The following TENM3 variants were observed in gnomAD, a reference collection of about 807,000 sequenced individuals.
TENM3 encodes the protein teneurin transmembrane protein 3.
Under a neutral mutation model 255.1 loss-of-function variants are expected in TENM3, and 63 were observed. That is an observed-to-expected ratio of 0.25 (90% confidence interval 0.20 to 0.30). The LOEUF (loss-of-function observed/expected upper bound fraction) is 0.30, where lower values mean the gene tolerates loss of function less well. Ranked by LOEUF, TENM3 falls within the 10% of genes least tolerant of loss-of-function variation. The pLI is 1.00. For missense variants in TENM3, 2,929 were observed against 3,461.1 expected (o/e 0.85, Z 3.86); for synonymous variants, 1,306 against 1,322.3 (o/e 0.99, Z 0.27).
the TENM3 span, among the ~76,000 whole-genome samples, chr4:182,044,688 A>AT: frequency 2.0e-5 from 3 of 152,176 alleles, 1 homozygote; most frequent in South Asian, 4.1e-4. Context: ...CAAGGCTATC[A>AT]TTTTTTTGTC....
chr4:182,619,793 T>C (rs930529467), intron 4 of TENM3, among the ~76,000 whole-genome samples: 9 of 152,178 alleles, frequency 5.9e-5, no homozygotes, highest in African/African-American at 2.2e-4. Context: ...AGTGTGTCTC[T>C]CTAGCTCATC....
the TENM3 span, among the ~76,000 whole-genome samples, chr4:181,752,843 A>T: frequency 6.6e-6 from 1 of 152,070 alleles, no homozygotes; most frequent in Non-Finnish European, 1.5e-5. Context: ...AAAATAAAGG[A>T]GTACTGAAAA....
intron 27 of TENM3, among the ~76,000 whole-genome samples, chr4:182,797,984 A>G (rs1766620795): frequency 6.6e-6 from 1 of 152,196 alleles, no homozygotes; most frequent in African/African-American, 2.4e-5. Context: ...ATTTTGGTCA[A>G]TGACAGACCT....
rs535534948 is a variant in TENM3, at chr4:182,417,876, A to G, written c.511+70947A>G. ...ATGTAGATGATTGATAACATGTTTC[A>G]TGATTTACCTAAATGTTTGATATCT... On this transcript the variant is annotated intron_variant, in intron 3 of 27. Transcript: ENST00000511685. Among the ~76,000 whole-genome samples the G allele has an allele frequency of 5.3e-5, 8 of 152,306 alleles. No homozygotes were observed. In the East Asian group the frequency reaches 1.5e-3, roughly 29 times the overall value.
At chr4:182,096,734 C>G in the TENM3 span, among the ~76,000 whole-genome samples, 1 of 152,144 alleles carries the variant, frequency 6.6e-6, no homozygotes, top group African/African-American at 2.4e-5. Flanking sequence ...CTGATCCAGT[C>G]TCTGGATTCA....
the TENM3 span, among the ~76,000 whole-genome samples, chr4:181,893,719 T>G: frequency 6.6e-6 from 1 of 152,186 alleles, no homozygotes; most frequent in South Asian, 2.1e-4. Flanking sequence ...TGTTTCTACA[T>G]TTGATTTGTA....
At chr4:182,606,385 G>A (rs1232777205) in intron 4 of TENM3, among the ~76,000 whole-genome samples, 2 of 152,028 alleles carry the variant, frequency 1.3e-5, no homozygotes, top group South Asian at 2.1e-4. Flanking sequence ...TTAGCCAGGC[G>A]GGGTGGTGGG....
At chr4:182,370,916 A>C (rs372377567) in intron 3 of TENM3, among the ~76,000 whole-genome samples, 1 of 152,266 alleles carries the variant, frequency 6.6e-6, no homozygotes, top group East Asian at 1.9e-4. Context: ...TCGAGAGACA[A>C]ACTCAACTAG....
chr4:182,348,248 G>A (rs980551209), intron 3 of TENM3, among the ~76,000 whole-genome samples: 1 of 152,020 alleles, frequency 6.6e-6, no homozygotes, highest in African/African-American at 2.4e-5. Context: ...AACAAGGACA[G>A]TTATTTTGAT....
chr4:182,775,972 A>AGAT (rs985240062), intron 24 of TENM3, among the ~76,000 whole-genome samples: 4 of 152,138 alleles, frequency 2.6e-5, no homozygotes, highest in African/African-American at 9.7e-5. Flanking sequence ...ATAGATAGAT[A>AGAT]GATAGATTAT....
At chr4:182,687,647 T>C (rs1216679763) in intron 11 of TENM3, among the ~76,000 whole-genome samples, 1 of 152,234 alleles carries the variant, frequency 6.6e-6, no homozygotes, top group Non-Finnish European at 1.5e-5. Flanking sequence ...TTTACTTAAG[T>C]AGATTCCTCT....
chr4:182,009,608 T>C, the TENM3 span, among the ~76,000 whole-genome samples: 6 of 152,248 alleles, frequency 3.9e-5, no homozygotes, highest in Admixed American at 2.6e-4. Flanking sequence ...CCTGGAGCTA[T>C]AGAAATGGGT....
chr4:181,587,918 A>C, the TENM3 span, among the ~76,000 whole-genome samples: 1 of 152,182 alleles, frequency 6.6e-6, no homozygotes, highest in Middle Eastern at 3.4e-3. Flanking sequence ...TGCAGCCATG[A>C]CTTTCAGTGA....
At position 182,794,948 on chromosome 4, in the gene TENM3, CT is replaced by C. The variant is rs71923194; in HGVS notation, c.7213+1073del. On this transcript the variant is annotated intron_variant, in intron 26 of 27. Coordinates refer to ENST00000511685, the MANE Select transcript of TENM3 (RefSeq NM_001080477.4). ...CAGGAGGAAGGTTCTTTCCTGTTGT[CT>C]TTTTTTTTTGGGCTTGATTTAAGGT... 2.6e-3 allele frequency among the ~76,000 whole-genome samples: 392 copies of C among 148,368 alleles called. 10 individuals are homozygous for C. In the South Asian group the frequency reaches 0.052, roughly 20 times the overall value.
the TENM3 span, among the ~76,000 whole-genome samples, chr4:181,625,042 A>G: frequency 2.6e-5 from 4 of 152,218 alleles, no homozygotes; most frequent in Non-Finnish European, 5.9e-5. Context: ...ATGTCATACA[A>G]CTTCACTTTC....
At chr4:182,161,977 A>G (rs1441835397) in intron 1 of TENM3, among the ~76,000 whole-genome samples, 1 of 108,052 alleles carries the variant, frequency 9.3e-6, no homozygotes, top group Non-Finnish European at 2.2e-5. Context: ...ATATATATAT[A>G]TATATATATA....
chr4:181,659,568 T>A, the TENM3 span, among the ~76,000 whole-genome samples: 1 of 152,336 alleles, frequency 6.6e-6, no homozygotes, highest in South Asian at 2.1e-4. Context: ...AATCTGAGAC[T>A]ATTTCTTCTA....
chr4:181,541,700 A>C, the TENM3 span, among the ~76,000 whole-genome samples: 1 of 152,212 alleles, frequency 6.6e-6, no homozygotes, highest in Non-Finnish European at 1.5e-5. Flanking sequence ...TCTTTCCAGG[A>C]ACCTCACTGA....
the TENM3 span, among the ~76,000 whole-genome samples, chr4:181,689,585 C>A: frequency 6.6e-6 from 1 of 152,158 alleles, no homozygotes; most frequent in Non-Finnish European, 1.5e-5. Flanking sequence ...TCAGATCACT[C>A]CATCATGGAT....
Sources: gnomAD v4.1 joint callset for allele counts (sites outside exome capture counted in the v4.1 genomes callset) on GRCh38, gnomAD v4.1.1 for gene constraint, MANE v1.5 for transcripts, NCBI Gene and HGNC (gene_info 2026-07-23, HGNC 2026-07-21) for gene names.